SPATA13: variants seen among roughly 807,000 people sequenced by gnomAD.
SPATA13 encodes the protein spermatogenesis associated 13, also known as spermatogenesis-associated protein 13.
A neutral mutation model predicts 104.0 loss-of-function variants in SPATA13; 50 were observed. That is an observed-to-expected ratio of 0.48 (90% CI 0.38 to 0.61). The LOEUF (loss-of-function observed/expected upper bound fraction) is 0.61, where lower values mean the gene tolerates loss of function less well. Ranked by LOEUF, SPATA13 falls within the 20% of genes least tolerant of loss-of-function variation. The pLI, the probability that SPATA13 is intolerant of heterozygous loss-of-function variation, is 0.00. For synonymous variants in SPATA13, 606 were observed against 667.5 expected (o/e 0.91, Z 1.42); for missense variants, 1,524 against 1,690.6 (o/e 0.90, Z 1.73).
intron 1 of SPATA13, among the ~76,000 whole-genome samples, chr13:24,173,762 T>C (rs1166553049): frequency 6.6e-6 from 1 of 152,212 alleles, no homozygotes; most frequent in African/African-American, 2.4e-5. Flanking sequence ...TGGATTACAC[T>C]GATTAATTTT....
intron 3 of SPATA13, among the ~76,000 whole-genome samples, chr13:24,031,931 C>T (rs1470504265): frequency 6.6e-6 from 1 of 152,168 alleles, no homozygotes; most frequent in African/African-American, 2.4e-5. Context: ...TTGGATAATT[C>T]TTCACCCACA....
At chr13:24,239,984 T>C (rs550496249) in intron 2 of SPATA13, among the ~76,000 whole-genome samples, 1 of 151,980 alleles carries the variant, frequency 6.6e-6, no homozygotes, top group Non-Finnish European at 1.5e-5. Flanking sequence ...AAACTGTCTC[T>C]TTACTCTTAA....
intron 2 of SPATA13, among the ~76,000 whole-genome samples, chr13:24,231,918 G>A (rs1872300133): frequency 6.6e-6 from 1 of 152,262 alleles, no homozygotes; most frequent in Middle Eastern, 3.4e-3. Context: ...GTGAAGTGCC[G>A]ATTCAGATCT....
chr13:24,026,242 G>T (rs4465466), intron 3 of SPATA13, among the ~76,000 whole-genome samples: 81,609 of 152,004 alleles, frequency 0.54, 22,075 homozygotes, highest in Middle Eastern at 0.57. Flanking sequence ...AATGCTTCTT[G>T]TGAGTTAAGA....
chr13:24,243,792 A>G (rs1872973382), intron 2 of SPATA13, among the ~76,000 whole-genome samples: 1 of 152,164 alleles, frequency 6.6e-6, no homozygotes, highest in Non-Finnish European at 1.5e-5. Context: ...TTCTTTTGGT[A>G]GCCAGGATGT....
At chr13:24,035,907 C>T (rs1450854137) in intron 3 of SPATA13, among the ~76,000 whole-genome samples, 1 of 151,342 alleles carries the variant, frequency 6.6e-6, no homozygotes, top group Non-Finnish European at 1.5e-5. Context: ...CCCAGCTACT[C>T]AGGAAGCTAA....
intron 3 of SPATA13, among the ~76,000 whole-genome samples, chr13:24,041,984 G>A (rs977715254): frequency 2.0e-5 from 3 of 152,238 alleles, no homozygotes; most frequent in African/African-American, 7.2e-5. Flanking sequence ...CCTAAAGCCT[G>A]TTTAGAAAGT....
intron 3 of SPATA13, among the ~76,000 whole-genome samples, chr13:24,101,860 A>G (rs972841248): frequency 5.3e-5 from 8 of 152,202 alleles, no homozygotes; most frequent in Non-Finnish European, 1.0e-4. Flanking sequence ...TGTTTACCAC[A>G]TGTTCTTTGC....
At position 24,284,155 on chromosome 13, in the gene SPATA13, G is replaced by A. The variant is rs199595659; in HGVS notation, c.2185G>A (p.Glu729Lys). 141 of 1,613,438 alleles carry A rather than the reference G, an allele frequency of 8.7e-5. No individual in the cohort carries two copies. The Admixed American group carries it at 2.1e-3, about 24-fold the overall frequency. Residue 729 changes from glutamate to lysine, a missense_variant, in exon 5 of 13, where the codon GAG becomes AAG. Glu to Lys is a moderately conservative substitution (Grantham distance 56). This residue lies in a region of SPATA13 where 1,089 missense variants were observed against 1,135.9 expected (regional missense o/e 0.96). Coordinates refer to ENST00000382108, the MANE Select transcript of SPATA13 (RefSeq NM_001166271.3). ...TTTAGTTTCTTCAGATGGAGGTACTGAGCCCTCTGCCTTAGTGGATGACAA... is the reference window on the plus strand; with the variant it reads ...TTTAGTTTCTTCAGATGGAGGTACTAAGCCCTCTGCCTTAGTGGATGACAA... ...ASNVSSDGGT[E>K]PSALVDDNGS...
intron 1 of SPATA13, among the ~76,000 whole-genome samples, chr13:24,210,387 C>T (rs527345573): frequency 5.3e-5 from 8 of 152,220 alleles, no homozygotes; most frequent in South Asian, 2.1e-4. Context: ...TTTTGTTCTA[C>T]GGTTTTTATG....
chr13:24,215,991 A>G (rs567525034), intron 1 of SPATA13, among the ~76,000 whole-genome samples: 5 of 152,304 alleles, frequency 3.3e-5, no homozygotes, highest in Non-Finnish European at 2.9e-5. Context: ...ACCACCAGAA[A>G]GGTGGTGGAC....
intron 2 of SPATA13, among the ~76,000 whole-genome samples, chr13:23,991,800 T>C (rs745982782): frequency 2.6e-5 from 4 of 151,988 alleles, no homozygotes; most frequent in Non-Finnish European, 5.9e-5. Context: ...GCAGGTGGGC[T>C]GGGGTTGGGA....
intron 9 of SPATA13, among the ~76,000 whole-genome samples, chr13:24,291,141 C>T (rs773223926): frequency 2.0e-5 from 3 of 152,116 alleles, no homozygotes; most frequent in Non-Finnish European, 4.4e-5. Flanking sequence ...GAGTGCATGG[C>T]GGCTTTTGTT....
intron 3 of SPATA13, among the ~76,000 whole-genome samples, chr13:24,127,599 G>A (rs980354010): frequency 7.9e-5 from 12 of 152,216 alleles, no homozygotes; most frequent in Non-Finnish European, 1.8e-4. Context: ...AGTCATTCAA[G>A]TTCAGTTTAG....
intron 2 of SPATA13, among the ~76,000 whole-genome samples, chr13:24,014,506 G>A (rs898042874): frequency 1.3e-5 from 2 of 152,132 alleles, no homozygotes; most frequent in African/African-American, 2.4e-5. Flanking sequence ...TATATGTACT[G>A]TATACTGTAG....
intron 1 of SPATA13, among the ~76,000 whole-genome samples, chr13:24,187,445 G>A (rs995964444): frequency 7.9e-5 from 12 of 152,082 alleles, no homozygotes; most frequent in African/African-American, 1.9e-4. Context: ...GGAAAACAGC[G>A]ACCGGCTTAC....
At chr13:24,290,450 C>G (rs1408513932) in intron 8 of SPATA13, among the ~76,000 whole-genome samples, 1 of 152,138 alleles carries the variant, frequency 6.6e-6, no homozygotes, top group East Asian at 1.9e-4. Context: ...CTGAAGCACC[C>G]CTTCTCGCCG....
chr13:24,085,520 G>T (rs1879689460), intron 3 of SPATA13, among the ~76,000 whole-genome samples: 1 of 152,204 alleles, frequency 6.6e-6, no homozygotes, highest in Non-Finnish European at 1.5e-5. Flanking sequence ...GACAGCTGCA[G>T]GAACTGGGGT....
intron 10 of SPATA13, among the ~76,000 whole-genome samples, chr13:24,296,504 G>C (rs57524052): frequency 0.019 from 2,839 of 152,276 alleles, 80 homozygotes; most frequent in African/African-American, 0.065. Flanking sequence ...TTAATTTCTT[G>C]CTGACAATTT....
Sources: gnomAD v4.1 joint callset for allele counts (sites outside exome capture counted in the v4.1 genomes callset) on GRCh38, gnomAD v4.1.1 for gene constraint, gnomAD v4.1.1 regional missense constraint, MANE v1.5 for transcripts, NCBI Gene and HGNC (gene_info 2026-07-23, HGNC 2026-07-21) for gene names.